STPG3: variants seen among roughly 807,000 people sequenced by gnomAD.
The protein encoded by STPG3 is sperm-tail PG-rich repeat containing 3.
STPG3 carries 39 observed loss-of-function variants against 32.5 expected under a neutral mutation model. The observed-to-expected ratio is 1.20, with a 90% CI of 0.93 to 1.57. The LOEUF is 1.57. STPG3 is among the 40% of genes most tolerant of loss of function. The probability of loss-of-function intolerance (pLI) is 0.00; values close to 1 mark genes in which losing one functional copy is unlikely to be tolerated. For missense variants in STPG3, 507 were observed against 407.6 expected (o/e 1.24, Z -2.10); for synonymous variants, 209 against 172.4 (o/e 1.21, Z -1.66).
rs995063122 is a variant in STPG3 at position 137,253,202 on chromosome 9, G to A, written c.884G>A (p.Arg295His). The A allele has an allele frequency of 8.1e-6, 13 of 1,608,606 alleles. No individual in the cohort carries two copies. The highest frequency in any genetic ancestry group is 6.7e-5 in the African/African-American group (5 of 74,828). Residue 295 changes from arginine (R) to histidine (H), a missense_variant, in exon 6 of 6, where the codon CGC becomes CAC. By Grantham distance (29) the Arg-to-His change is conservative (BLOSUM62 0). Coordinates refer to ENST00000412566, the MANE Select transcript of STPG3 (RefSeq NM_001004353.4). ...CCTGGCGTGGTCATCCAGGGTGTAC[G>A]CAGACCCAAGCGCCACGACACAGGC... ...SAPGVVIQGV[R>H]RPKRHDTGPF...
rs761213212 is a variant in STPG3, at chr9:137,253,236, C to T, written c.918C>T (p.Cys306=). 3 of 1,607,210 alleles carry T rather than the reference C, an allele frequency of 1.9e-6. No individual in the cohort carries two copies. Among genetic ancestry groups the T allele is most frequent in the South Asian group, 1.1e-5 (1 of 90,050 alleles). ...AGCGCCACGACACAGGCCCCTTCTG[C>T]ACGCTCTAGAGCCAGCTGGGCACAA... is the stretch of plus-strand genomic sequence containing the variant. ...RPKRHDTGPF[C]TL is the part of the protein sequence containing the mutation. The change falls in exon 6 of 6, where the codon TGC becomes TGT. Residue 306 remains cysteine (C), a synonymous_variant. Transcript: ENST00000412566.
chr9:137,252,102 C>G lies in STPG3; in HGVS notation c.370C>G (p.His124Asp). Reference sequence around the variant, plus strand: ...CGTACGAGAGTCCTCCCCACACCCCCACTACAGCATCGGCTGCAAGCACCA... The same window carrying G: ...CGTACGAGAGTCCTCCCCACACCCCGACTACAGCATCGGCTGCAAGCACCA... Reference protein sequence around the residue: ...PSVRESSPHPHYSIGCKHQGR... With the variant: ...PSVRESSPHPDYSIGCKHQGR... The change falls in exon 3 of 6, where the codon CAC becomes GAC. Residue 124 changes from histidine to aspartate, a missense_variant. By Grantham distance (81) the His-to-Asp change is moderately conservative (BLOSUM62 -1). Coordinates refer to ENST00000412566, the MANE Select transcript of STPG3 (RefSeq NM_001004353.4). 1 of 1,612,426 alleles carries G rather than the reference C, an allele frequency of 6.2e-7. No individual in the cohort carries two copies. The highest frequency in any genetic ancestry group is 2.2e-5 in the East Asian group (1 of 44,892).
intron 1 of STPG3, 140 bp from the exon 2 acceptor site, chr9:137,251,596 CTG>C: frequency 8.7e-7 from 1 of 1,143,300 alleles, no homozygotes; most frequent in Non-Finnish European, 1.2e-6. Context: ...CGGCCAGGGG[CTG>C]AGGGACAGTG....
chr9:137,251,647 G>A (rs1203210006), intron 1 of STPG3, 91 bp from the exon 2 acceptor site: 5 of 1,464,148 alleles, frequency 3.4e-6, no homozygotes, highest in South Asian at 2.6e-5. Context: ...GGAGCAGCCG[G>A]GGGCTGAGGG....
chr9:137,252,808 G>GT lies in STPG3; in HGVS notation c.639_640insT (p.Pro214SerfsTer169), dbSNP rs1447252894. 3 of 1,565,614 alleles carry GT rather than the reference G, an allele frequency of 1.9e-6. No individual in the cohort carries two copies. The South Asian group carries it at 3.5e-5, about 18-fold the overall frequency. ...CTAGGGGGCTGGGCCTCAGGGTGCA[G>GT]CCCCAGTCCCTGCTTCAGGCCTCTT... On this transcript the variant is annotated frameshift_variant, in exon 5 of 6. Transcript: ENST00000412566. LOFTEE classifies it high-confidence loss of function.
chr9:137,253,271 C>G lies in STPG3; in HGVS notation c.*26C>G. ...AGCCAGCTGGGCACAACCTGCTTGGCCCGGCCACCGAGTGGAACCATGGCC... is the reference window on the plus strand; with the variant it reads ...AGCCAGCTGGGCACAACCTGCTTGGGCCGGCCACCGAGTGGAACCATGGCC... On this transcript the variant is annotated 3_prime_UTR_variant, in exon 6 of 6. Transcript: ENST00000412566. 1 of 1,592,442 alleles carries G rather than the reference C, an allele frequency of 6.3e-7. No homozygotes were observed. Among genetic ancestry groups the G allele is most frequent in the East Asian group, 2.3e-5 (1 of 43,614 alleles).
Position 137,253,271 on chromosome 9 carries a change from C to A in STPG3, c.*26C>A, listed in dbSNP as rs200290581. The A allele has an allele frequency of 1.7e-4, 277 of 1,592,440 alleles. 1 individual carries two copies. In the African/African-American group the frequency reaches 2.7e-3, roughly 15 times the overall value. On this transcript the variant is annotated 3_prime_UTR_variant, in exon 6 of 6. Transcript: ENST00000412566. ...AGCCAGCTGGGCACAACCTGCTTGG[C>A]CCGGCCACCGAGTGGAACCATGGCC...
rs1395872520 is a variant in STPG3, at chr9:137,253,137, C to T, written c.819C>T (p.Ala273=). The T allele has an allele frequency of 6.3e-7, 1 of 1,582,732 alleles. No individual in the cohort carries two copies. Among genetic ancestry groups the T allele is most frequent in the Non-Finnish European group, 8.6e-7 (1 of 1,161,202 alleles). The change falls in exon 6 of 6, where the codon GCC becomes GCT. Residue 273 remains alanine (A), a synonymous_variant. Coordinates refer to ENST00000412566, the MANE Select transcript of STPG3 (RefSeq NM_001004353.4). ...LSTSRTPGPA[A]YHVEDCNSRF... is the part of the protein sequence containing the mutation. ...CAGCCCGAACCCCTGGCCCAGCCGCCTACCACGTGGAGGACTGCAACTCAC... is the reference window on the plus strand; with the variant it reads ...CAGCCCGAACCCCTGGCCCAGCCGCTTACCACGTGGAGGACTGCAACTCAC...
In STPG3 at chr9:137,252,940, T is replaced by C. The variant is rs781009381; in HGVS notation, c.771T>C (p.Pro257=). The C allele has an allele frequency of 4.4e-5, 71 of 1,599,904 alleles. No homozygotes were observed. Among genetic ancestry groups the C allele is most frequent in the Non-Finnish European group, 5.2e-5 (61 of 1,173,924 alleles). The part of the protein sequence containing the change: ...RSPAFSMSRS[P]AFTSWLSTSR... The stretch of plus-strand genomic sequence containing the variant: ...CGGCCTTCTCGATGAGCCGCTCCCC[T>C]GCGTTCACCTCCTGGCTCAGCACCT... Residue 257 remains proline (P), a synonymous_variant, in exon 5 of 6, where the codon CCT becomes CCC. Transcript: ENST00000412566.
chr9:137,252,348 C>T (rs1320439248), intron 3 of STPG3, 89 bp from the exon 4 acceptor site: 41 of 1,428,064 alleles, frequency 2.9e-5, no homozygotes, highest in African/African-American at 7.1e-5. Flanking sequence ...GTTCAGGGGC[C>T]GAGGGTGGGA....
Position 137,252,486 on chromosome 9 carries a change from C to T in STPG3, c.453C>T (p.Ser151=). ...AGACTTTGTGGTTCCAGAGCGAAAG[C>T]CCCTTCACGCAGAAAGCTGACTTCG... ...AWQTLWFQSE[S]PFTQKADFDQ... is the part of the protein sequence containing the mutation. The change falls in exon 4 of 6, where the codon AGC becomes AGT. Residue 151 remains serine (S), a synonymous_variant. Transcript: ENST00000412566. 1 of 1,610,428 alleles carries T rather than the reference C, an allele frequency of 6.2e-7. No individual in the cohort carries two copies. The highest frequency in any genetic ancestry group is 8.5e-7 in the Non-Finnish European group (1 of 1,178,622).
At position 137,252,898 on chromosome 9, in the gene STPG3, G is replaced by T; in HGVS notation, c.729G>T (p.Leu243=). 1 of 1,597,564 alleles carries T rather than the reference G, an allele frequency of 6.3e-7. No individual in the cohort carries two copies. Among genetic ancestry groups the T allele is most frequent in the Non-Finnish European group, 8.5e-7 (1 of 1,172,916 alleles). The change falls in exon 5 of 6, where the codon CTG becomes CTT. Residue 243 remains leucine (L), a synonymous_variant. Transcript: ENST00000412566. ...ACAATATCCTTCCTGGGAGCCGCCT[G>T]CAGAGCCCCCGCTCGCCGGCCTTCT... ...NTYNILPGSR[L]QSPRSPAFSM...
rs747356458 is a variant in STPG3, at chr9:137,252,823, T to C, written c.654T>C (p.Leu218=). The part of the protein sequence containing the change: ...LGLRVQPQSL[L]QASLQAPGKR... ...TCAGGGTGCAGCCCCAGTCCCTGCT[T>C]CAGGCCTCTTTGCAGGCACCTGGCA... Residue 218 remains leucine, a synonymous_variant, in exon 5 of 6, where the codon CTT becomes CTC. Transcript: ENST00000412566. The C allele has an allele frequency of 1.0e-5, 16 of 1,568,664 alleles. No individual in the cohort carries two copies. The highest frequency in any genetic ancestry group is 1.4e-5 in the Non-Finnish European group (16 of 1,157,470).
In STPG3 at chr9:137,252,903, G is replaced by GC; in HGVS notation, c.739dup (p.Arg247ProfsTer136). ...ATCCTTCCTGGGAGCCGCCTGCAGA[G>GC]CCCCCGCTCGCCGGCCTTCTCGATG... On this transcript the variant is annotated frameshift_variant, in exon 5 of 6. Coordinates refer to ENST00000412566, the MANE Select transcript of STPG3 (RefSeq NM_001004353.4). LOFTEE classifies it high-confidence loss of function. 6.3e-7 allele frequency: 1 copy of GC among 1,597,924 alleles called. No homozygotes were observed. Among genetic ancestry groups the GC allele is most frequent in the Non-Finnish European group, 8.5e-7 (1 of 1,173,078 alleles).
Position 137,252,838 on chromosome 9 carries a change from G to A in STPG3, c.669G>A (p.Gln223=), listed in dbSNP as rs1216396879. The A allele has an allele frequency of 1.9e-6, 3 of 1,572,846 alleles. No homozygotes were observed. The highest frequency in any genetic ancestry group is 1.8e-5 in the Admixed American group (1 of 54,312). ...AGTCCCTGCTTCAGGCCTCTTTGCA[G>A]GCACCTGGCAAGAGATGCCCTGGCC... ...QPQSLLQASL[Q]APGKRCPGPN... Residue 223 remains glutamine, a synonymous_variant, in exon 5 of 6, where the codon CAG becomes CAA. Transcript: ENST00000412566.
chr9:137,252,527 T>A lies in STPG3; in HGVS notation c.492+2T>A, dbSNP rs745405751. On this transcript the variant is annotated splice_donor_variant, in intron 4 of 5. Transcript: ENST00000412566. LOFTEE classifies it high-confidence loss of function. ...GCTGACTTCGACCAAGAGCAAAAGG[T>A]TGGGGGCTGGGCAGGAAGGGGGCGG... is the stretch of plus-strand genomic sequence containing the variant. 7.0e-7 allele frequency: 1 copy of A among 1,427,222 alleles called. No individual in the cohort carries two copies. The highest frequency in any genetic ancestry group is 1.7e-5 in the African/African-American group (1 of 59,854). 88.4% of individuals were successfully genotyped at this position (1,427,222 alleles called of 1,614,324 possible). A position where few individuals can be genotyped will look rare whatever the true frequency, so the allele number is the denominator to read the frequency against.
rs2131466006 is a variant in STPG3, at chr9:137,252,927, T to A, written c.758T>A (p.Met253Lys). 2 of 1,600,826 alleles carry A rather than the reference T, an allele frequency of 1.2e-6. No individual in the cohort carries two copies. The highest frequency in any genetic ancestry group is 2.3e-5 in the East Asian group (1 of 44,370). ...AGCCCCCGCTCGCCGGCCTTCTCGA[T>A]GAGCCGCTCCCCTGCGTTCACCTCC... ...LQSPRSPAFS[M>K]SRSPAFTSWL... Residue 253 changes from methionine to lysine, a missense_variant, in exon 5 of 6, where the codon ATG (methionine) becomes AAG (lysine). Met to Lys is a moderately conservative substitution (Grantham distance 95). Transcript: ENST00000412566.
Position 137,252,090 on chromosome 9 carries a change from T to C in STPG3, c.358T>C (p.Ser120Pro), listed in dbSNP as rs781195802. Reference protein sequence around the residue: ...QVPSPSVRESSPHPHYSIGCK... With the variant: ...QVPSPSVRESPPHPHYSIGCK... ...GCCGAGCCCGTCCGTACGAGAGTCC[T>C]CCCCACACCCCCACTACAGCATCGG... The change falls in exon 3 of 6, where the codon TCC becomes CCC. Residue 120 changes from serine (S) to proline (P), a missense_variant. By Grantham distance (74) the Ser-to-Pro change is moderately conservative (BLOSUM62 -1). Transcript: ENST00000412566. 6.2e-7 allele frequency: 1 copy of C among 1,612,600 alleles called. No homozygotes were observed. The highest frequency in any genetic ancestry group is 2.2e-5 in the East Asian group (1 of 44,884).
chr9:137,253,432 TC>T lies in STPG3; in HGVS notation c.*192del. On this transcript the variant is annotated 3_prime_UTR_variant, in exon 6 of 6. Coordinates refer to ENST00000412566, the MANE Select transcript of STPG3 (RefSeq NM_001004353.4). Reference sequence around the variant, plus strand: ...GTGGACAAGGCTGGCCCAGCCTGGATCCCCCATCTGCCCATCTCCCCGCTAC... The same window carrying T: ...GTGGACAAGGCTGGCCCAGCCTGGATCCCCATCTGCCCATCTCCCCGCTAC... 1 of 1,442,770 alleles carries T rather than the reference TC, an allele frequency of 6.9e-7. No homozygotes were observed. The highest frequency in any genetic ancestry group is 9.1e-7 in the Non-Finnish European group (1 of 1,100,418). The allele number at this position is 1,442,770 out of a possible 1,614,324, so 89.4% of individuals were successfully genotyped here.
Sources: gnomAD v4.1 joint callset for allele counts on GRCh38, gnomAD v4.1.1 for gene constraint, MANE v1.5 for transcripts, NCBI Gene and HGNC (gene_info 2026-07-23, HGNC 2026-07-21) for gene names.